Variants in RAD51B observed in about 807,000 individuals in gnomAD.
The protein encoded by RAD51B is DNA repair protein RAD51 homolog 2.
RAD51B carries 38 observed loss-of-function variants against 42.2 expected under a neutral mutation model. That is an observed-to-expected ratio of 0.90 (90% CI 0.70 to 1.18). The LOEUF is 1.18. Among genes scored for constraint, RAD51B ranks in the 50% most tolerant of loss-of-function variants. The probability of loss-of-function intolerance (pLI) is 0.00; values close to 1 mark genes in which losing one functional copy is unlikely to be tolerated. For missense variants in RAD51B, 373 were observed against 400.7 expected (o/e 0.93, Z 0.59); for synonymous variants, 154 against 145.2 (o/e 1.06, Z -0.43).
chr14:67,865,146 G>A lies in RAD51B; in HGVS notation c.452+7G>A, dbSNP rs71421392. ...CTGCATTTAGTGCTGAAAGGTATGA[G>A]ATTTTATTTTCTATTATAATGTTTT... On this transcript the variant is annotated splice_region_variant and intron_variant, in intron 5 of 10. Transcript: ENST00000471583. 6.3e-7 allele frequency: 1 copy of A among 1,584,692 alleles called. No individual in the cohort carries two copies.
At chr14:68,473,227 C>T (rs1405147181) in intron 10 of RAD51B, among the ~76,000 whole-genome samples, 2 of 152,212 alleles carry the variant, frequency 1.3e-5, no homozygotes, top group Non-Finnish European at 2.9e-5. Context: ...CTTGTAGGAG[C>T]CTGGGCAAAG....
Position 67,885,851 on chromosome 14 carries a change from T to A in RAD51B, c.453-18T>A. 1.9e-6 allele frequency: 3 copies of A among 1,579,746 alleles called. No individual in the cohort carries two copies. In the South Asian group the frequency reaches 3.5e-5, roughly 18 times the overall value. On this transcript the variant is annotated intron_variant, in intron 5 of 10. Coordinates refer to ENST00000471583, the MANE Select transcript of RAD51B (RefSeq NM_133510.4). ...TAGAATTGACTGTTTTCGTTTGTGCTATTTTTTTCACCCACAGACTGGTTG... is the reference window on the plus strand; with the variant it reads ...TAGAATTGACTGTTTTCGTTTGTGCAATTTTTTTCACCCACAGACTGGTTG...
intron 10 of RAD51B, among the ~76,000 whole-genome samples, chr14:68,498,269 G>C (rs374363655): frequency 9.2e-5 from 14 of 152,352 alleles, no homozygotes; most frequent in African/African-American, 3.4e-4. Context: ...TGCAGGCAGA[G>C]AAAGGAGAGA....
chr14:68,146,184 A>AC (rs1190269405), intron 7 of RAD51B, among the ~76,000 whole-genome samples: 2 of 152,206 alleles, frequency 1.3e-5, no homozygotes, highest in Admixed American at 1.3e-4. Flanking sequence ...GCGTGGTGGC[A>AC]CATGCCTATA....
At chr14:68,157,487 A>G (rs2078537919) in intron 7 of RAD51B, among the ~76,000 whole-genome samples, 1 of 152,226 alleles carries the variant, frequency 6.6e-6, no homozygotes, top group Non-Finnish European at 1.5e-5. Flanking sequence ...GAATTTCAGA[A>G]CTAAAATAGT....
intron 7 of RAD51B, among the ~76,000 whole-genome samples, chr14:68,067,669 G>A (rs1180874870): frequency 6.6e-6 from 1 of 151,780 alleles, no homozygotes; most frequent in Non-Finnish European, 1.5e-5. Context: ...AACTAATAAA[G>A]TTAACGTATT....
chr14:68,271,907 C>T (rs11845328), intron 7 of RAD51B, among the ~76,000 whole-genome samples: 7,077 of 152,246 alleles, frequency 0.046, 561 homozygotes, highest in African/African-American at 0.16. Context: ...CTGGGAGCCT[C>T]CCAAATTTGC....
intron 3 of RAD51B, among the ~76,000 whole-genome samples, chr14:67,827,987 T>G (rs766609899): frequency 2.0e-5 from 3 of 152,206 alleles, no homozygotes; most frequent in Non-Finnish European, 4.4e-5. Flanking sequence ...TGATTTGTAT[T>G]CCTTTGGGTA....
intron 7 of RAD51B, among the ~76,000 whole-genome samples, chr14:67,962,423 G>GT (rs2074689127): frequency 6.6e-6 from 1 of 152,152 alleles, no homozygotes; most frequent in African/African-American, 2.4e-5. Flanking sequence ...CAAGAGAAAG[G>GT]TTTCTTCAGT....
At chr14:68,025,707 G>C (rs1419317364) in intron 7 of RAD51B, among the ~76,000 whole-genome samples, 1 of 151,702 alleles carries the variant, frequency 6.6e-6, no homozygotes, top group Non-Finnish European at 1.5e-5. Context: ...TTTTCTGTGG[G>C]ATCAGTTGTA....
chr14:67,959,600 A>G (rs2074619532), intron 7 of RAD51B, among the ~76,000 whole-genome samples: 1 of 152,178 alleles, frequency 6.6e-6, no homozygotes, highest in Admixed American at 6.5e-5. Context: ...TAAGCCGGGT[A>G]TAAATATGCT....
chr14:67,881,294 A>G (rs1004082308), intron 5 of RAD51B, among the ~76,000 whole-genome samples: 1 of 152,190 alleles, frequency 6.6e-6, no homozygotes, highest in African/African-American at 2.4e-5. Flanking sequence ...ATTCTGCCCA[A>G]TGCCCAGTGT....
chr14:67,904,989 C>T (rs1377266581), intron 7 of RAD51B, among the ~76,000 whole-genome samples: 1 of 150,018 alleles, frequency 6.7e-6, no homozygotes, highest in Non-Finnish European at 1.5e-5. Flanking sequence ...TTTGCCATCA[C>T]CTATGTCCAG....
intron 7 of RAD51B, among the ~76,000 whole-genome samples, chr14:67,990,142 T>A (rs1159460273): frequency 6.6e-6 from 1 of 151,772 alleles, no homozygotes; most frequent in Non-Finnish European, 1.5e-5. Flanking sequence ...GGACTACAGG[T>A]GCACGCCACC....
intron 7 of RAD51B, among the ~76,000 whole-genome samples, chr14:67,984,208 A>T (rs2075144889): frequency 6.6e-6 from 1 of 152,098 alleles, no homozygotes; most frequent in East Asian, 1.9e-4. Flanking sequence ...AAGTGCTGGG[A>T]TTACAGGTGT....
intron 8 of RAD51B, among the ~76,000 whole-genome samples, chr14:68,322,172 G>C (rs1406732544): frequency 2.6e-5 from 4 of 152,174 alleles, no homozygotes; most frequent in African/African-American, 9.7e-5. Flanking sequence ...TAATAATAGT[G>C]TTTTTCTTTT....
intron 8 of RAD51B, among the ~76,000 whole-genome samples, chr14:68,360,578 T>G (rs1444112934): frequency 6.6e-6 from 1 of 152,144 alleles, no homozygotes; most frequent in Non-Finnish European, 1.5e-5. Flanking sequence ...TCCCAACAAC[T>G]CTACATCGTA....
intron 3 of RAD51B, among the ~76,000 whole-genome samples, chr14:67,831,528 TGTTA>T (rs2041045785): frequency 1.3e-5 from 2 of 152,270 alleles, no homozygotes; most frequent in Admixed American, 6.5e-5. Flanking sequence ...AGTTTTGTTC[TGTTA>T]GTTCATTTTA....
intron 7 of RAD51B, among the ~76,000 whole-genome samples, chr14:68,235,703 CAAAA>C (rs57180468): frequency 7.1e-5 from 1 of 14,040 alleles, no homozygotes; most frequent in African/African-American, 1.6e-4. Flanking sequence ...GACTCCGTCT[CAAAA>C]AAAAAAAAAA....
Sources: gnomAD v4.1 joint callset for allele counts (sites outside exome capture counted in the v4.1 genomes callset) on GRCh38, gnomAD v4.1.1 for gene constraint, MANE v1.5 for transcripts, NCBI Gene and HGNC (gene_info 2026-07-23, HGNC 2026-07-21) for gene names.